PLCB1: variants seen among roughly 807,000 people sequenced by gnomAD.
The protein encoded by PLCB1 is 1-phosphatidylinositol 4,5-bisphosphate phosphodiesterase beta-1.
Under a neutral mutation model 161.8 loss-of-function variants are expected in PLCB1, and 46 were observed. That is an observed-to-expected ratio of 0.28 (90% CI 0.22 to 0.36). The LOEUF (loss-of-function observed/expected upper bound fraction) is 0.36, where lower values mean the gene tolerates loss of function less well. Ranked by LOEUF, PLCB1 falls within the 10% of genes least tolerant of loss-of-function variation. PLCB1 has a pLI of 1.00. For synonymous variants in PLCB1, 517 were observed against 503.7 expected, an observed-to-expected ratio of 1.03 and a Z score of -0.35; for missense variants, 1,016 against 1,472.5, an observed-to-expected ratio of 0.69 and a Z score of 5.07.
At chr20:8,228,606 T>G (rs1377768270) in intron 2 of PLCB1, among the ~76,000 whole-genome samples, 1 of 152,092 alleles carries the variant, frequency 6.6e-6, no homozygotes, top group African/African-American at 2.4e-5. Flanking sequence ...CTCCCTGGCT[T>G]AAGTGATTCT....
intron 2 of PLCB1, among the ~76,000 whole-genome samples, chr20:8,297,866 T>G (rs979618270): frequency 6.6e-6 from 1 of 151,286 alleles, no homozygotes; most frequent in Non-Finnish European, 1.5e-5. Flanking sequence ...TTTGCTGTCT[T>G]ACCACCTTAG....
intron 3 of PLCB1, among the ~76,000 whole-genome samples, chr20:8,604,039 G>C (rs1040396157): frequency 2.6e-5 from 4 of 152,028 alleles, no homozygotes; most frequent in African/African-American, 9.7e-5. Context: ...TATCACATGA[G>C]GCCAGGAGTT....
chr20:8,317,660 A>G (rs891049074), intron 2 of PLCB1, among the ~76,000 whole-genome samples: 1 of 152,326 alleles, frequency 6.6e-6, no homozygotes, highest in South Asian at 2.1e-4. Flanking sequence ...ACCTGTGAAG[A>G]TGAGCTCAAC....
chr20:8,203,873 C>T (rs1245107598), intron 2 of PLCB1, among the ~76,000 whole-genome samples: 1 of 152,022 alleles, frequency 6.6e-6, no homozygotes, highest in Non-Finnish European at 1.5e-5. Flanking sequence ...TTCCAGAATC[C>T]CCTGCAGGAT....
chr20:8,202,822 A>C (rs1227055653), intron 2 of PLCB1, among the ~76,000 whole-genome samples: 1 of 152,114 alleles, frequency 6.6e-6, no homozygotes, highest in African/African-American at 2.4e-5. Flanking sequence ...GAGCACAGGG[A>C]TGGAAATAAT....
At chr20:8,243,998 G>T (rs1277406551) in intron 2 of PLCB1, among the ~76,000 whole-genome samples, 1 of 151,000 alleles carries the variant, frequency 6.6e-6, no homozygotes, top group South Asian at 2.1e-4. Context: ...TTGTATCAGA[G>T]AATGTCATGG....
chr20:8,663,349 A>G (rs1046291146), intron 9 of PLCB1, among the ~76,000 whole-genome samples: 2 of 152,070 alleles, frequency 1.3e-5, no homozygotes, highest in African/African-American at 2.4e-5. Flanking sequence ...TTTAGCTTTT[A>G]TGTACATTTT....
At chr20:8,572,627 C>G (rs1430708079) in intron 3 of PLCB1, among the ~76,000 whole-genome samples, 1 of 152,170 alleles carries the variant, frequency 6.6e-6, no homozygotes, top group African/African-American at 2.4e-5. Context: ...AGCAGGGCAG[C>G]AAAGAACAAT....
chr20:8,330,578 G>A (rs377654339), intron 2 of PLCB1, among the ~76,000 whole-genome samples: 1 of 152,172 alleles, frequency 6.6e-6, no homozygotes. Flanking sequence ...TCTTAATTCT[G>A]ATGAATGCAT....
At chr20:8,868,553 T>C (rs1314492623) in intron 31 of PLCB1, among the ~76,000 whole-genome samples, 1 of 152,212 alleles carries the variant, frequency 6.6e-6, no homozygotes, top group South Asian at 2.1e-4. Flanking sequence ...CCTTCACACA[T>C]CCTGTTTTTA....
intron 19 of PLCB1, 111 bp from the exon 20 acceptor site, chr20:8,736,917 T>C: frequency 2.6e-6 from 2 of 767,752 alleles, no homozygotes; most frequent in South Asian, 1.8e-5. Context: ...ATTTTGCTTA[T>C]AATTCAACAT....
At chr20:8,189,231 A>G (rs1194309866) in intron 2 of PLCB1, among the ~76,000 whole-genome samples, 1 of 151,568 alleles carries the variant, frequency 6.6e-6, no homozygotes, top group Non-Finnish European at 1.5e-5. Context: ...CTAAGTGAAT[A>G]GCTATAGCTG....
chr20:8,861,939 T>C (rs1446826899), intron 31 of PLCB1, among the ~76,000 whole-genome samples: 1 of 152,176 alleles, frequency 6.6e-6, no homozygotes, highest in African/African-American at 2.4e-5. Context: ...TTGGAAAACA[T>C]TGAAAACATA....
intron 31 of PLCB1, among the ~76,000 whole-genome samples, chr20:8,844,242 A>G (rs1986610265): frequency 6.6e-6 from 1 of 152,324 alleles, no homozygotes; most frequent in South Asian, 2.1e-4. Flanking sequence ...CGTTGGCACA[A>G]TTGCTAATGT....
chr20:8,184,823 G>T (rs2051884370), intron 2 of PLCB1, among the ~76,000 whole-genome samples: 1 of 140,756 alleles, frequency 7.1e-6, no homozygotes, highest in African/African-American at 2.7e-5. Context: ...TTAAGTTCTG[G>T]GATACATGTG....
rs1228204388 is a variant in PLCB1 at position 8,881,728 on chromosome 20, G to A, written c.3530G>A (p.Ser1177Asn). 1.9e-6 allele frequency: 3 copies of A among 1,613,932 alleles called. No individual in the cohort carries two copies. Among genetic ancestry groups the A allele is most frequent in the East Asian group, 2.2e-5 (1 of 44,860 alleles). The change falls in exon 32 of 32, where the codon AGC (serine) becomes AAC (asparagine). Residue 1177 changes from serine to asparagine, a missense_variant. Coordinates refer to ENST00000338037, the MANE Select transcript of PLCB1 (RefSeq NM_015192.4). The stretch of plus-strand genomic sequence containing the variant: ...ATGAAAGGAAAGATCAGTGAAGACA[G>A]CAATCACGGTTCTGCCCCTCTCTCC... ...EAMKGKISED[S>N]NHGSAPLSLS... is the part of the protein sequence containing the mutation.
chr20:8,363,433 G>C (rs556891674), intron 2 of PLCB1, among the ~76,000 whole-genome samples: 33 of 152,110 alleles, frequency 2.2e-4, no homozygotes, highest in Non-Finnish European at 4.1e-4. Flanking sequence ...TCCATAGTCA[G>C]TACACAGCAC....
chr20:8,488,471 C>A (rs1311175111), intron 3 of PLCB1, among the ~76,000 whole-genome samples: 1 of 152,188 alleles, frequency 6.6e-6, no homozygotes, highest in East Asian at 1.9e-4. Flanking sequence ...GCCTCTGCTT[C>A]TGGGAAACCC....
intron 1 of PLCB1, among the ~76,000 whole-genome samples, chr20:8,147,841 G>GA (rs1215646454): frequency 2.6e-5 from 4 of 151,182 alleles, no homozygotes; most frequent in Admixed American, 2.6e-4. Context: ...AGGCAGCATA[G>GA]AACAGTGTTC....
Sources: gnomAD v4.1 joint callset for allele counts (sites outside exome capture counted in the v4.1 genomes callset) on GRCh38, gnomAD v4.1.1 for gene constraint, MANE v1.5 for transcripts, NCBI Gene and HGNC (gene_info 2026-07-23, HGNC 2026-07-21) for gene names.